The following PPP1R12B variants were observed in gnomAD, a reference collection of about 807,000 sequenced individuals.
The protein encoded by PPP1R12B is myosin phosphatase target subunit 2.
Under a neutral mutation model 126.1 loss-of-function variants are expected in PPP1R12B, and 76 were observed. The observed-to-expected ratio is 0.60, with a 90% CI of 0.50 to 0.73. PPP1R12B has a LOEUF of 0.73. Among genes scored for constraint, PPP1R12B ranks in the 30% least tolerant of loss-of-function variants. The pLI, the probability that PPP1R12B is intolerant of heterozygous loss-of-function variation, is 0.00. For synonymous variants in PPP1R12B, 356 were observed against 434.7 expected (o/e 0.82, Z 2.25); for missense variants, 1,052 against 1,205.1 (o/e 0.87, Z 1.88).
At chr1:202,446,492 C>T (rs1672312406) in intron 12 of PPP1R12B, among the ~76,000 whole-genome samples, 1 of 148,632 alleles carries the variant, frequency 6.7e-6, no homozygotes, top group Admixed American at 6.7e-5. Context: ...ATCTCCTGAC[C>T]TCATGATCCG....
intron 18 of PPP1R12B, among the ~76,000 whole-genome samples, chr1:202,498,065 CT>C (rs35481145): frequency 0.031 from 4,653 of 152,222 alleles, 191 homozygotes; most frequent in African/African-American, 0.096. Context: ...ATAAGAATGT[CT>C]TTTGCCAGTG....
chr1:202,348,735 AGG>A lies in PPP1R12B; in HGVS notation c.-115_-114del. 1 of 1,314,764 alleles carries A rather than the reference AGG, an allele frequency of 7.6e-7. No individual in the cohort carries two copies. The highest frequency in any genetic ancestry group is 1.0e-6 in the Non-Finnish European group (1 of 980,046). 81.4% of individuals were successfully genotyped at this position (1,314,764 alleles called of 1,614,324 possible). On this transcript the variant is annotated 5_prime_UTR_variant, in exon 1 of 24. The change abolishes the stop of an existing upstream ORF in the 5' untranslated region. Transcript: ENST00000608999. ...CGGGAGGAGTAAAGATGGCGGCGCG[AGG>A]GTCTCCGCCCTCTGCTCCGGGCTGA...
intron 18 of PPP1R12B, among the ~76,000 whole-genome samples, chr1:202,523,313 G>GA (rs984077356): frequency 9.9e-5 from 15 of 151,922 alleles, no homozygotes; most frequent in African/African-American, 1.9e-4. Flanking sequence ...ATGCAATTTG[G>GA]AAAAAAAACT....
chr1:202,477,313 A>G (rs2148810343), intron 13 of PPP1R12B, among the ~76,000 whole-genome samples: 1 of 152,312 alleles, frequency 6.6e-6, no homozygotes, highest in East Asian at 1.9e-4. Flanking sequence ...TATATCTGTT[A>G]CAACTGCTCA....
chr1:202,507,409 A>G (rs1015742690), intron 18 of PPP1R12B, among the ~76,000 whole-genome samples: 1 of 152,128 alleles, frequency 6.6e-6, no homozygotes. Flanking sequence ...TTAGTTTTAT[A>G]TCAGTGATTT....
chr1:202,567,128 A>T (rs1465757281), intron 21 of PPP1R12B, among the ~76,000 whole-genome samples: 11 of 152,224 alleles, frequency 7.2e-5, no homozygotes, highest in Admixed American at 5.9e-4. Context: ...TATTCAAATA[A>T]AATTACCTTA....
At chr1:202,402,657 A>C (rs897393521) in intron 1 of PPP1R12B, among the ~76,000 whole-genome samples, 1 of 152,240 alleles carries the variant, frequency 6.6e-6, no homozygotes, top group African/African-American at 2.4e-5. Context: ...GTTTCTGCTC[A>C]TAGCCAGCAT....
In PPP1R12B at chr1:202,348,925, G is replaced by A; in HGVS notation, c.74G>A (p.Arg25His). 1 of 1,606,042 alleles carries A rather than the reference G, an allele frequency of 6.2e-7. No individual in the cohort carries two copies. Among genetic ancestry groups the A allele is most frequent in the South Asian group, 1.1e-5 (1 of 89,902 alleles). The change falls in exon 1 of 24, where the codon CGC becomes CAC. Residue 25 changes from arginine (R) to histidine (H), a missense_variant. Physicochemically the swap from Arg to His is conservative, Grantham distance 29. Coordinates refer to ENST00000608999, the MANE Select transcript of PPP1R12B (RefSeq NM_002481.4). ...ATGCGGCGGGCAGAGCAGCTTCGGCGCTGGCGGGGCTCGCTGACAGAGCAG... is the reference window on the plus strand; with the variant it reads ...ATGCGGCGGGCAGAGCAGCTTCGGCACTGGCGGGGCTCGCTGACAGAGCAG... ...ARMRRAEQLR[R>H]WRGSLTEQEP...
At chr1:202,444,259 C>G (rs562115343) in intron 12 of PPP1R12B, among the ~76,000 whole-genome samples, 1 of 152,262 alleles carries the variant, frequency 6.6e-6, no homozygotes, top group South Asian at 2.1e-4. Flanking sequence ...TACCTCTTTT[C>G]CAAGGAAGGC....
intron 1 of PPP1R12B, among the ~76,000 whole-genome samples, chr1:202,358,377 A>G (rs1657501100): frequency 6.6e-6 from 1 of 152,142 alleles, no homozygotes. Context: ...TCATGAGGCA[A>G]TTCAATTGAA....
chr1:202,348,784 G>A lies in PPP1R12B; in HGVS notation c.-68G>A, dbSNP rs1234045587. ...CTGAAGCGCTCTGAGAGAGGCGGCA[G>A]CGGCAACTCGAGCCCCAACAGTAAT... On this transcript the variant is annotated 5_prime_UTR_variant, in exon 1 of 24. Transcript: ENST00000608999. 17 of 1,514,660 alleles carry A rather than the reference G, an allele frequency of 1.1e-5. No individual in the cohort carries two copies. The highest frequency in any genetic ancestry group is 1.3e-5 in the Non-Finnish European group (15 of 1,135,578). The allele number at this position is 1,514,660 out of a possible 1,614,324, so 93.8% of individuals were successfully genotyped here. A position where few individuals can be genotyped will look rare whatever the true frequency, so the allele number is the denominator to read the frequency against.
At chr1:202,389,078 T>G (rs186539331) in intron 1 of PPP1R12B, among the ~76,000 whole-genome samples, 15 of 152,298 alleles carry the variant, frequency 9.8e-5, no homozygotes, top group African/African-American at 3.6e-4. Flanking sequence ...GGAAAAAAAT[T>G]ATACCCCCTA....
At chr1:202,355,114 A>G (rs531841891) in intron 1 of PPP1R12B, among the ~76,000 whole-genome samples, 1 of 151,984 alleles carries the variant, frequency 6.6e-6, no homozygotes, top group Non-Finnish European at 1.5e-5. Flanking sequence ...CATGTTGGCC[A>G]GGCTGGTCTT....
At chr1:202,490,640 C>G (rs1389389061) in intron 14 of PPP1R12B, among the ~76,000 whole-genome samples, 1 of 152,200 alleles carries the variant, frequency 6.6e-6, no homozygotes, top group Admixed American at 6.5e-5. Context: ...TAATTACTCC[C>G]CATTTCCCTC....
chr1:202,501,167 C>T (rs1189730163), intron 18 of PPP1R12B, among the ~76,000 whole-genome samples: 1 of 152,194 alleles, frequency 6.6e-6, no homozygotes, highest in African/African-American at 2.4e-5. Context: ...GAAAAATAAT[C>T]TGCATCTTAA....
Position 202,353,045 on chromosome 1 carries a change from T to C in PPP1R12B, c.291+3903T>C, listed in dbSNP as rs1376796749. ...TCTGACGCTGTAGACTTAGGGAGGC[T>C]AAAATCACGTATTTCTCAGGAAGAG... On this transcript the variant is annotated intron_variant, in intron 1 of 23. Transcript: ENST00000608999. Among the ~76,000 whole-genome samples, 3 of 152,170 alleles carry C rather than the reference T, an allele frequency of 2.0e-5. No homozygotes were observed. In the East Asian group the frequency reaches 5.8e-4, roughly 29 times the overall value.
At chr1:202,576,273 A>C (rs1689082159) in intron 23 of PPP1R12B, 1 of 152,222 alleles carries the variant, frequency 6.6e-6, no homozygotes, top group African/African-American at 2.4e-5. Context: ...CTGAAAGACA[A>C]GCTCACAGAC....
intron 1 of PPP1R12B, among the ~76,000 whole-genome samples, chr1:202,360,827 T>C (rs538604415): frequency 6.6e-6 from 1 of 152,058 alleles, no homozygotes; most frequent in Non-Finnish European, 1.5e-5. Context: ...CGTATGTAAA[T>C]ATTTTCCGTG....
chr1:202,431,153 A>G (rs1670141852), intron 7 of PPP1R12B, among the ~76,000 whole-genome samples: 1 of 152,224 alleles, frequency 6.6e-6, no homozygotes, highest in Admixed American at 6.5e-5. Flanking sequence ...TGACTATACC[A>G]GTGCCTAGCA....
Sources: allele counts gnomAD v4.1 joint callset (sites outside exome capture counted in the v4.1 genomes callset), GRCh38; gene constraint gnomAD v4.1.1; transcripts MANE v1.5; gene names NCBI Gene and HGNC (gene_info 2026-07-23, HGNC 2026-07-21).